USP33: variants seen among roughly 807,000 people sequenced by gnomAD.
USP33 encodes ubiquitin carboxyl-terminal hydrolase 33.
In USP33, 46 loss-of-function variants were observed where a neutral mutation model predicts 124.2. The ratio of observed to expected loss-of-function variants is 0.37; its 90% CI spans 0.29 to 0.47. The LOEUF is 0.47. Ranked by LOEUF, USP33 falls within the 20% of genes least tolerant of loss-of-function variation. The pLI, the probability that USP33 is intolerant of heterozygous loss-of-function variation, is 0.99. For missense variants in USP33, 851 were observed against 1,070.6 expected (o/e 0.79, Z 2.86); for synonymous variants, 350 against 352.3 (o/e 0.99, Z 0.07).
rs1251775362 is a variant in USP33, at chr1:77,721,909, C to G, written c.1579G>C (p.Val527Leu). 1 of 1,608,422 alleles carries G rather than the reference C, an allele frequency of 6.2e-7. No individual in the cohort carries two copies. The highest frequency in any genetic ancestry group is 8.5e-7 in the Non-Finnish European group (1 of 1,178,654). The change falls in exon 14 of 24, where the codon GTC (valine) becomes CTC (leucine). Residue 527 changes from valine to leucine, a missense_variant. Physicochemically the swap from Val to Leu is conservative, Grantham distance 32. Coordinates refer to ENST00000370794, the MANE Select transcript of USP33 (RefSeq NM_201624.3). The stretch of plus-strand genomic sequence containing the variant: ...ACTGGACCCCAAAACCAGCTAGGGA[C>G]ACATGAGACAACAAACCTGAAACAT... ...EYVKRFVVSC[V>L]PSWFWGPVVT...
chr1:77,721,582 T>C, intron 14 of USP33: 1 of 502,846 alleles, frequency 2.0e-6, no homozygotes, highest in Non-Finnish European at 3.5e-6. Context: ...TCTATGGATC[T>C]CAGAACAGCT....
intron 23 of USP33, 49 bp downstream of exon 23, chr1:77,697,812 AAC>A: frequency 6.7e-7 from 1 of 1,488,864 alleles, no homozygotes; most frequent in Non-Finnish European, 9.2e-7. Flanking sequence ...ACATATTTCT[AAC>A]AGTGACAAAT....
chr1:77,731,585 C>T (rs1161203313), intron 7 of USP33, among the ~76,000 whole-genome samples: 5 of 150,758 alleles, frequency 3.3e-5, no homozygotes, highest in Non-Finnish European at 5.9e-5. Context: ...GTTGCCCATG[C>T]TGGTTCCAGA....
At chr1:77,720,352 C>T in intron 15 of USP33, 3 of 985,260 alleles carry the variant, frequency 3.0e-6, no homozygotes, top group Non-Finnish European at 2.4e-6. Flanking sequence ...CTTTGCTTTA[C>T]AAGGAACAAT....
intron 21 of USP33, among the ~76,000 whole-genome samples, chr1:77,710,576 T>G (rs1675131745): frequency 6.6e-6 from 1 of 152,236 alleles, no homozygotes; most frequent in Non-Finnish European, 1.5e-5. Flanking sequence ...CCTGCATCTT[T>G]TTTATGTAAA....
chr1:77,708,700 T>G (rs1458571874), intron 21 of USP33, among the ~76,000 whole-genome samples: 1 of 152,246 alleles, frequency 6.6e-6, no homozygotes, highest in Non-Finnish European at 1.5e-5. Context: ...GTTCCTTTCC[T>G]CCAAATAGTT....
chr1:77,734,452 A>G, intron 6 of USP33, 36 bp from the exon 7 acceptor site: 1 of 1,341,516 alleles, frequency 7.5e-7, no homozygotes, highest in East Asian at 2.3e-5. Flanking sequence ...TCATCATTCA[A>G]TAATGCAAAA....
intron 1 of USP33, among the ~76,000 whole-genome samples, chr1:77,744,330 A>C (rs1341502150): frequency 2.0e-5 from 3 of 152,118 alleles, no homozygotes; most frequent in Non-Finnish European, 4.4e-5. Context: ...AAAAAGAAGA[A>C]ACCAAGAAAT....
intron 20 of USP33, among the ~76,000 whole-genome samples, chr1:77,712,253 A>G (rs1675344767): frequency 1.3e-5 from 2 of 152,218 alleles, no homozygotes; most frequent in South Asian, 4.1e-4. Context: ...TTTAATATTT[A>G]ATTAAAGAAA....
chr1:77,736,824 G>A (rs1429307925), intron 5 of USP33, among the ~76,000 whole-genome samples: 1 of 152,032 alleles, frequency 6.6e-6, no homozygotes, highest in East Asian at 1.9e-4. Context: ...TGGCCTGAAT[G>A]GTCTTGATCT....
intron 17 of USP33, 70 bp downstream of exon 17, chr1:77,717,797 A>T: frequency 1.4e-6 from 2 of 1,383,918 alleles, no homozygotes; most frequent in Non-Finnish European, 1.9e-6. Context: ...TACAGGTATG[A>T]GCCACCACGC....
At chr1:77,735,787 GT>G (rs1427376188) in intron 6 of USP33, among the ~76,000 whole-genome samples, 15 of 152,174 alleles carry the variant, frequency 9.9e-5, no homozygotes, top group African/African-American at 3.4e-4. Context: ...GAGAAACACT[GT>G]TCAAACAGAC....
intron 8 of USP33, among the ~76,000 whole-genome samples, chr1:77,730,391 T>A (rs1417019860): frequency 6.6e-6 from 1 of 152,200 alleles, no homozygotes; most frequent in Non-Finnish European, 1.5e-5. Context: ...TCCAACACTA[T>A]ATACTATATC....
Position 77,723,365 on chromosome 1 carries a change from A to AT in USP33, c.1354dup (p.Ile452AsnfsTer3). 6.2e-7 allele frequency: 1 copy of AT among 1,613,238 alleles called. No homozygotes were observed. The highest frequency in any genetic ancestry group is 8.5e-7 in the Non-Finnish European group (1 of 1,179,608). Reference sequence around the variant, plus strand: ...AGTCAGACACTGCACTGAACTAATGATTGTTCCATCAAATATGTCTGAAAT... The same window carrying AT: ...AGTCAGACACTGCACTGAACTAATGATTTGTTCCATCAAATATGTCTGAAAT... On this transcript the variant is annotated frameshift_variant, in exon 12 of 24. Coordinates refer to ENST00000370794, the MANE Select transcript of USP33 (RefSeq NM_201624.3). LOFTEE classifies it high-confidence loss of function.
chr1:77,736,829 TG>T (rs1398867968), intron 5 of USP33, among the ~76,000 whole-genome samples: 3 of 152,116 alleles, frequency 2.0e-5, no homozygotes, highest in Non-Finnish European at 1.5e-5. Context: ...TGAATGGTCT[TG>T]ATCTCTTGAC....
At position 77,751,162 on chromosome 1, in the gene USP33, G is replaced by A. The variant is rs1317339365; in HGVS notation, c.-52+8481C>T. Among the ~76,000 whole-genome samples the A allele has an allele frequency of 1.3e-5, 2 of 152,172 alleles. 1 individual carries two copies. The highest frequency in any genetic ancestry group is 2.9e-5 in the Non-Finnish European group (2 of 68,034). On this transcript the variant is annotated intron_variant, in intron 1 of 23. Transcript: ENST00000370794. ...AGAGTGCACAAGATTTTATCTGTTT[G>A]TCCTTATCTTTGTAATCTTGTATCT...
At chr1:77,752,466 T>C (rs895570087) in intron 1 of USP33, among the ~76,000 whole-genome samples, 3 of 152,148 alleles carry the variant, frequency 2.0e-5, no homozygotes, top group East Asian at 1.9e-4. Context: ...CATCAGGACA[T>C]AGTTGGTAAC....
intron 21 of USP33, among the ~76,000 whole-genome samples, chr1:77,704,456 A>C (rs577802300): frequency 6.6e-6 from 1 of 152,316 alleles, no homozygotes; most frequent in East Asian, 1.9e-4. Context: ...TGGTATTAAG[A>C]AGTTACTTCC....
chr1:77,719,591 G>A (rs893610846), intron 15 of USP33, among the ~76,000 whole-genome samples: 1 of 152,128 alleles, frequency 6.6e-6, no homozygotes, highest in Non-Finnish European at 1.5e-5. Flanking sequence ...CGTGGCTCAC[G>A]CCTATAATCC....
Sources: gnomAD v4.1 joint callset for allele counts (sites outside exome capture counted in the v4.1 genomes callset) on GRCh38, gnomAD v4.1.1 for gene constraint, MANE v1.5 for transcripts, NCBI Gene and HGNC (gene_info 2026-07-23, HGNC 2026-07-21) for gene names.